The following ADGRV1 variants were observed in gnomAD, a reference collection of about 807,000 sequenced individuals.
The protein encoded by ADGRV1 is G-protein coupled receptor 98.
ADGRV1 carries 359 observed loss-of-function variants against 596.2 expected under a neutral mutation model. The ratio of observed to expected loss-of-function variants is 0.60; its 90% CI spans 0.55 to 0.66. The LOEUF is 0.66. ADGRV1 is among the 30% of genes least tolerant of loss of function. The pLI is 0.00. For synonymous variants in ADGRV1, 2,681 were observed against 2,679.2 expected (o/e 1.00, Z -0.02); for missense variants, 7,274 against 7,575.6 (o/e 0.96, Z 1.48).
intron 85 of ADGRV1, among the ~76,000 whole-genome samples, chr5:91,060,368 A>ATG (rs1481100763): frequency 6.3e-4 from 49 of 77,618 alleles, no homozygotes; most frequent in African/African-American, 1.8e-3. Flanking sequence ...GCAATTTTAT[A>ATG]TGTGTGTGTG....
intron 2 of ADGRV1, among the ~76,000 whole-genome samples, chr5:90,616,347 T>C (rs563182914): frequency 1.3e-5 from 2 of 152,200 alleles, no homozygotes; most frequent in African/African-American, 4.8e-5. Flanking sequence ...TTACCAGTAA[T>C]GCTGATTTCA....
At chr5:91,149,998 T>C in intron 87 of ADGRV1, 32 bp from the exon 88 acceptor site, 4 of 1,392,770 alleles carry the variant, frequency 2.9e-6, no homozygotes, top group South Asian at 2.8e-5. Context: ...TTTTTCTTTT[T>C]CTTTTCTTTT....
At chr5:90,623,426 T>A (rs4916804) in intron 5 of ADGRV1, among the ~76,000 whole-genome samples, 27,471 of 152,076 alleles carry the variant, frequency 0.18, 2,659 homozygotes, top group East Asian at 0.4. Context: ...ATTTTATTTT[T>A]TTTGAGACAG....
At chr5:91,031,869 A>T (rs943433670) in intron 85 of ADGRV1, among the ~76,000 whole-genome samples, 1 of 152,226 alleles carries the variant, frequency 6.6e-6, no homozygotes, top group African/African-American at 2.4e-5. Context: ...AGAGTAAACT[A>T]ATCCTAGATC....
intron 51 of ADGRV1, 138 bp from the exon 52 acceptor site, chr5:90,745,453 T>C: frequency 1.3e-6 from 1 of 741,846 alleles, no homozygotes; most frequent in Admixed American, 3.0e-5. Flanking sequence ...TACATGAATA[T>C]TTTGGATTAA....
At chr5:91,084,603 A>G (rs1051990684) in intron 86 of ADGRV1, among the ~76,000 whole-genome samples, 9 of 152,184 alleles carry the variant, frequency 5.9e-5, no homozygotes, top group African/African-American at 2.2e-4. Context: ...GGATGTGGAG[A>G]AATAGGAACG....
At chr5:90,926,515 TTCTC>T (rs1468962036) in intron 83 of ADGRV1, among the ~76,000 whole-genome samples, 1 of 151,716 alleles carries the variant, frequency 6.6e-6, no homozygotes, top group African/African-American at 2.4e-5. Flanking sequence ...TATTTGATTC[TTCTC>T]TCTTTTTTTT....
Position 90,679,647 on chromosome 5 carries a change from G to T in ADGRV1, c.5524+18G>T. 1 of 1,575,230 alleles carries T rather than the reference G, an allele frequency of 6.3e-7. No individual in the cohort carries two copies. Among genetic ancestry groups the T allele is most frequent in the Non-Finnish European group, 8.7e-7 (1 of 1,145,804 alleles). On this transcript the variant is annotated intron_variant, in intron 26 of 89. Coordinates refer to ENST00000405460, the MANE Select transcript of ADGRV1 (RefSeq NM_032119.4). ...CAAACGTGGTAAGCAGTTTTTCCAA[G>T]GTCCTTTACTATTATAGGTTTTTAT...
intron 83 of ADGRV1, among the ~76,000 whole-genome samples, chr5:90,947,485 A>T (rs1005643956): frequency 6.6e-6 from 1 of 151,916 alleles, no homozygotes; most frequent in Non-Finnish European, 1.5e-5. Flanking sequence ...TAATTTTTTT[A>T]TGTTTTCATC....
chr5:90,908,666 T>C (rs963539336), intron 83 of ADGRV1, among the ~76,000 whole-genome samples: 1 of 152,310 alleles, frequency 6.6e-6, no homozygotes, highest in Middle Eastern at 3.4e-3. Flanking sequence ...AAGTATATAC[T>C]AAATATTGTG....
chr5:90,783,342 T>A lies in ADGRV1; in HGVS notation c.13433+17T>A. 1 of 1,508,324 alleles carries A rather than the reference T, an allele frequency of 6.6e-7. No individual in the cohort carries two copies. The highest frequency in any genetic ancestry group is 9.2e-7 in the Non-Finnish European group (1 of 1,087,940). The allele number at this position is 1,508,324 out of a possible 1,614,324, so 93.4% of individuals were successfully genotyped here. A position where few individuals can be genotyped will look rare whatever the true frequency, so the allele number is the denominator to read the frequency against. ...CAATGAAAGGTTGGTATATAGAAAA[T>A]AATGTGGGCACATATAAGACATAAG... On this transcript the variant is annotated intron_variant, in intron 66 of 89. Coordinates refer to ENST00000405460, the MANE Select transcript of ADGRV1 (RefSeq NM_032119.4).
intron 5 of ADGRV1, among the ~76,000 whole-genome samples, chr5:90,623,546 G>C (rs1316970): frequency 0.45 from 67,618 of 151,838 alleles, 16,178 homozygotes; most frequent in Admixed American, 0.59. Context: ...TGAATAGCTG[G>C]GAGTACAGGT....
chr5:91,134,686 G>A (rs1794490278), intron 87 of ADGRV1, among the ~76,000 whole-genome samples: 1 of 151,998 alleles, frequency 6.6e-6, no homozygotes, highest in South Asian at 2.1e-4. Context: ...GTTTCCTTAT[G>A]TTAAGATTAC....
chr5:90,653,930 GA>G lies in ADGRV1; in HGVS notation c.4359del (p.Gly1454GlufsTer11). On this transcript the variant is annotated frameshift_variant, in exon 20 of 90. Coordinates refer to ENST00000405460, the MANE Select transcript of ADGRV1 (RefSeq NM_032119.4). LOFTEE classifies it high-confidence loss of function. ...NAMPRGIKSL[K>X]GEAITDGPGI... ...CAATGCCCAGGGGAATCAAGAGTCT[GA>G]AAGGAGAAGCCATTACTGACGGTGA... 1 of 1,559,100 alleles carries G rather than the reference GA, an allele frequency of 6.4e-7. No individual in the cohort carries two copies. The highest frequency in any genetic ancestry group is 1.4e-5 in the African/African-American group (1 of 73,750).
chr5:90,928,466 T>C (rs944556957), intron 83 of ADGRV1, among the ~76,000 whole-genome samples: 1 of 150,724 alleles, frequency 6.6e-6, no homozygotes, highest in Admixed American at 6.6e-5. Flanking sequence ...TTCTCGAGCC[T>C]TGGTTTTCAG....
At chr5:90,684,395 A>G (rs1030997458) in intron 28 of ADGRV1, among the ~76,000 whole-genome samples, 200 bp downstream of exon 28, 8 of 152,226 alleles carry the variant, frequency 5.3e-5, no homozygotes, top group Admixed American at 4.6e-4. Flanking sequence ...AAAAGTCAGT[A>G]GAAAGTAAGA....
intron 50 of ADGRV1, among the ~76,000 whole-genome samples, chr5:90,735,521 A>T (rs1454809200): frequency 2.6e-5 from 4 of 152,038 alleles, no homozygotes; most frequent in African/African-American, 7.2e-5. Flanking sequence ...ATGAATTTAA[A>T]TTTTTTTTAT....
Position 90,619,109 on chromosome 5 carries a change from TG to T in ADGRV1, c.383del (p.Gly128AspfsTer8). 6.8e-7 allele frequency: 1 copy of T among 1,474,032 alleles called. No homozygotes were observed. Among genetic ancestry groups the T allele is most frequent in the Non-Finnish European group, 9.1e-7 (1 of 1,104,554 alleles). The allele number at this position is 1,474,032 out of a possible 1,614,324, so 91.3% of individuals were successfully genotyped here. On this transcript the variant is annotated frameshift_variant, in exon 4 of 90. Transcript: ENST00000405460. LOFTEE classifies it high-confidence loss of function. Reference sequence around the variant, plus strand: ...AGAAACCTTCAGCAAATGTGAAGCTTGGATGGCCAAGGACTGTTACTGTGAC... The same window carrying T: ...AGAAACCTTCAGCAAATGTGAAGCTTGATGGCCAAGGACTGTTACTGTGAC... Reference protein sequence around the residue: ...LQKPSANVKLGWPRTVTVTIL... With the variant: ...LQKPSANVKLXWPRTVTVTIL...
chr5:91,164,360 G>A lies in ADGRV1; in HGVS notation c.*460G>A, dbSNP rs1448754216. Reference sequence around the variant, plus strand: ...CAGATTCAAGACTTCACTGCAACTAGAAGACTTTAATTCTGAAAACTGTAA... The same window carrying A: ...CAGATTCAAGACTTCACTGCAACTAAAAGACTTTAATTCTGAAAACTGTAA... On this transcript the variant is annotated 3_prime_UTR_variant, in exon 90 of 90. Transcript: ENST00000405460. 4.2e-6 allele frequency: 1 copy of A among 236,548 alleles called. No individual in the cohort carries two copies. Among genetic ancestry groups the A allele is most frequent in the Non-Finnish European group, 8.6e-6 (1 of 116,918 alleles). The allele number at this position is 236,548 out of a possible 1,614,324, so 14.7% of individuals were successfully genotyped here.
Sources: allele counts gnomAD v4.1 joint callset (sites outside exome capture counted in the v4.1 genomes callset), GRCh38; gene constraint gnomAD v4.1.1; transcripts MANE v1.5; gene names NCBI Gene and HGNC (gene_info 2026-07-23, HGNC 2026-07-21).